The following SLC25A48 variants were observed in gnomAD, a reference collection of about 807,000 sequenced individuals.
SLC25A48 encodes solute carrier family 25 member 48.
SLC25A48 carries 29 observed loss-of-function variants against 32.2 expected under a neutral mutation model. The observed-to-expected ratio is 0.90, with a 90% CI of 0.67 to 1.23. The LOEUF (loss-of-function observed/expected upper bound fraction) is 1.23, where lower values mean the gene tolerates loss of function less well. Among genes scored for constraint, SLC25A48 ranks in the 50% most tolerant of loss-of-function variants. SLC25A48 has a pLI of 0.00. For missense variants in SLC25A48, 399 were observed against 422.7 expected, an observed-to-expected ratio of 0.94 and a Z score of 0.49; for synonymous variants, 164 against 172.3, an observed-to-expected ratio of 0.95 and a Z score of 0.38.
At chr5:135,683,000 C>T (rs960416278) in intron 3 of SLC25A48, among the ~76,000 whole-genome samples, 1 of 152,164 alleles carries the variant, frequency 6.6e-6, no homozygotes, top group Non-Finnish European at 1.5e-5. Flanking sequence ...ATTAATGTCA[C>T]TGGATGGCTG....
chr5:135,700,917 C>T (rs994934463), intron 3 of SLC25A48, among the ~76,000 whole-genome samples: 1 of 152,352 alleles, frequency 6.6e-6, no homozygotes, highest in African/African-American at 2.4e-5. Flanking sequence ...TGAGGCATGA[C>T]AGGGTCTCAT....
chr5:135,759,121 A>G lies in SLC25A48; in HGVS notation c.-520-53402A>G, dbSNP rs142679454. ...TAATATTAATAAAATATCACCTATG[A>G]TATGGATAATATCATTTTGTGTTAA... is the stretch of plus-strand genomic sequence containing the variant. On this transcript the variant is annotated intron_variant, in intron 3 of 10. Coordinates refer to the SLC25A48 transcript ENST00000646290. Among the ~76,000 whole-genome samples the G allele has an allele frequency of 5.1e-3, 782 of 152,182 alleles. 3 individuals carry two copies. Among genetic ancestry groups the G allele is most frequent in the African/African-American group, 0.018 (750 of 41,566 alleles).
intron 3 of SLC25A48, among the ~76,000 whole-genome samples, chr5:135,765,095 T>A (rs1756172659): frequency 6.6e-6 from 1 of 151,762 alleles, no homozygotes. Context: ...TTACTCCCTA[T>A]ATCACAGAGG....
chr5:135,598,417 A>G (rs997994832), intron 1 of SLC25A48, among the ~76,000 whole-genome samples: 1 of 152,066 alleles, frequency 6.6e-6, no homozygotes, highest in Admixed American at 6.5e-5. Flanking sequence ...TGTTCACCCA[A>G]CCACTCACCA....
At chr5:135,755,154 G>T (rs758026623) in intron 3 of SLC25A48, among the ~76,000 whole-genome samples, 3 of 151,634 alleles carry the variant, frequency 2.0e-5, no homozygotes, top group Admixed American at 6.6e-5. Context: ...ATGATACCCA[G>T]TGTTTACACA....
At chr5:135,742,554 T>A in intron 3 of SLC25A48, 2 of 1,415,788 alleles carry the variant, frequency 1.4e-6, no homozygotes, top group Non-Finnish European at 2.0e-6. Flanking sequence ...ATTTTGTGTT[T>A]TATGGTTTTC....
At chr5:135,596,278 A>G (rs1308412148) in intron 1 of SLC25A48, among the ~76,000 whole-genome samples, 1 of 152,214 alleles carries the variant, frequency 6.6e-6, no homozygotes, top group African/African-American at 2.4e-5. Context: ...ATAATTGTTT[A>G]TACTCAATTG....
chr5:135,712,086 T>A (rs1475046012), intron 3 of SLC25A48, among the ~76,000 whole-genome samples: 1 of 152,220 alleles, frequency 6.6e-6, no homozygotes, highest in Non-Finnish European at 1.5e-5. Flanking sequence ...AATCAGAGCA[T>A]CTTTTGTTCC....
chr5:135,623,495 C>T (rs1244041952), intron 1 of SLC25A48, among the ~76,000 whole-genome samples: 1 of 152,176 alleles, frequency 6.6e-6, no homozygotes, highest in South Asian at 2.1e-4. Context: ...GTGGAAGGCT[C>T]AGGGGTGTTG....
intron 4 of SLC25A48, among the ~76,000 whole-genome samples, chr5:135,864,737 A>G (rs1360103933): frequency 1.3e-5 from 2 of 152,254 alleles, no homozygotes; most frequent in Non-Finnish European, 2.9e-5. Flanking sequence ...GTTGTCCCAC[A>G]TAGTTACCAG....
At chr5:135,842,888 A>T (rs941384753) in intron 2 of SLC25A48, among the ~76,000 whole-genome samples, 8 of 152,212 alleles carry the variant, frequency 5.3e-5, no homozygotes, top group Admixed American at 2.0e-4. Context: ...ACCCGTCCCC[A>T]GTGGTGAGCA....
At chr5:135,852,096 G>A (rs1165603198) in intron 3 of SLC25A48, among the ~76,000 whole-genome samples, 1 of 152,186 alleles carries the variant, frequency 6.6e-6, no homozygotes, top group Non-Finnish European at 1.5e-5. Context: ...CAGATTATGA[G>A]CTCAGTGAGG....
intron 3 of SLC25A48, among the ~76,000 whole-genome samples, chr5:135,669,605 C>T (rs574141632): frequency 2.0e-5 from 3 of 152,126 alleles, no homozygotes; most frequent in Non-Finnish European, 4.4e-5. Context: ...TCACCATGCC[C>T]ACCATCTGTC....
At chr5:135,789,330 C>G (rs72791339) in intron 3 of SLC25A48, among the ~76,000 whole-genome samples, 58,428 of 151,300 alleles carry the variant, frequency 0.39, 12,688 homozygotes, top group Non-Finnish European at 0.49. Context: ...GTATTACTCC[C>G]CATGTGGCGG....
chr5:135,819,082 A>G (rs1171152515), intron 4 of SLC25A48, among the ~76,000 whole-genome samples: 1 of 151,986 alleles, frequency 6.6e-6, no homozygotes, highest in Non-Finnish European at 1.5e-5. Flanking sequence ...TCAGGGATCC[A>G]TGGAAAAACA....
intron 1 of SLC25A48, among the ~76,000 whole-genome samples, chr5:135,626,787 A>G (rs1752449875): frequency 6.6e-6 from 1 of 152,006 alleles, no homozygotes; most frequent in Non-Finnish European, 1.5e-5. Flanking sequence ...GGGGTGTGAG[A>G]GCTGGGAGTT....
chr5:135,656,266 A>T (rs1377310842), intron 3 of SLC25A48, among the ~76,000 whole-genome samples: 1 of 150,738 alleles, frequency 6.6e-6, no homozygotes, highest in Non-Finnish European at 1.5e-5. Context: ...CACATTGGCC[A>T]GCACACGGGA....
intron 3 of SLC25A48, among the ~76,000 whole-genome samples, chr5:135,659,100 C>T (rs909150591): frequency 2.6e-5 from 4 of 152,196 alleles, no homozygotes; most frequent in Non-Finnish European, 5.9e-5. Flanking sequence ...ACAACATGGT[C>T]GATCTGCAAA....
At chr5:135,714,145 G>T (rs2126976968) in intron 3 of SLC25A48, among the ~76,000 whole-genome samples, 1 of 152,322 alleles carries the variant, frequency 6.6e-6, no homozygotes, top group South Asian at 2.1e-4. Context: ...GAGCTGGTGA[G>T]GTGTGGCCAG....
Sources: allele counts gnomAD v4.1 joint callset (sites outside exome capture counted in the v4.1 genomes callset), GRCh38; gene constraint gnomAD v4.1.1; transcripts MANE v1.5; gene names NCBI Gene and HGNC (gene_info 2026-07-23, HGNC 2026-07-21).